PDLIM5: variants seen among roughly 807,000 people sequenced by gnomAD.
PDLIM5 encodes the protein PDZ and LIM domain 5.
In PDLIM5, 34 loss-of-function variants were observed where a neutral mutation model predicts 64.2. That is an observed-to-expected ratio of 0.53 (90% CI 0.40 to 0.71). The LOEUF (loss-of-function observed/expected upper bound fraction) is 0.71. Among genes scored for constraint, PDLIM5 ranks in the 30% least tolerant of loss-of-function variants. PDLIM5 has a pLI of 0.00. For synonymous variants in PDLIM5, 253 were observed against 269.1 expected, an observed-to-expected ratio of 0.94 and a Z score of 0.59; for missense variants, 683 against 733.6, an observed-to-expected ratio of 0.93 and a Z score of 0.80.
intron 3 of PDLIM5, among the ~76,000 whole-genome samples, chr4:94,570,536 C>G (rs1407778342): frequency 6.6e-6 from 1 of 152,110 alleles, no homozygotes; most frequent in Non-Finnish European, 1.5e-5. Context: ...TTTACATAAT[C>G]TCAAACCATT....
chr4:94,619,360 T>TC (rs1026258373), intron 8 of PDLIM5, among the ~76,000 whole-genome samples: 1 of 150,726 alleles, frequency 6.6e-6, no homozygotes, highest in Non-Finnish European at 1.5e-5. Flanking sequence ...TTCTTTTTTT[T>TC]TTTTCCACGG....
chr4:94,658,557 T>A (rs1463793103), intron 11 of PDLIM5, among the ~76,000 whole-genome samples: 1 of 152,256 alleles, frequency 6.6e-6, no homozygotes, highest in African/African-American at 2.4e-5. Flanking sequence ...TTATTGTTAT[T>A]CTACCTTGAA....
chr4:94,455,133 A>C, intron 1 of PDLIM5, 114 bp from the exon 2 acceptor site: 1 of 538,198 alleles, frequency 1.9e-6, no homozygotes, highest in Non-Finnish European at 3.3e-6. Flanking sequence ...GAAGAACTTA[A>C]TTAAGACTTA....
intron 3 of PDLIM5, among the ~76,000 whole-genome samples, chr4:94,533,034 C>A (rs145883160): frequency 6.6e-6 from 1 of 152,096 alleles, no homozygotes; most frequent in East Asian, 1.9e-4. Flanking sequence ...GGGACTGTTT[C>A]GTCAACATCA....
intron 3 of PDLIM5, among the ~76,000 whole-genome samples, chr4:94,565,944 T>C (rs150551671): frequency 5.9e-5 from 9 of 152,336 alleles, no homozygotes; most frequent in African/African-American, 1.4e-4. Context: ...TTATATACAA[T>C]GAGTAACTTC....
chr4:94,637,563 A>G (rs184144814), intron 8 of PDLIM5, among the ~76,000 whole-genome samples: 1 of 152,320 alleles, frequency 6.6e-6, no homozygotes, highest in East Asian at 1.9e-4. Flanking sequence ...CGTCTCAAAA[A>G]AAAAGGAATG....
chr4:94,593,082 A>G (rs150333566), intron 7 of PDLIM5, among the ~76,000 whole-genome samples: 3 of 152,292 alleles, frequency 2.0e-5, no homozygotes, highest in East Asian at 3.9e-4. Context: ...ATATTGGTCT[A>G]CATGTCTTAA....
intron 8 of PDLIM5, among the ~76,000 whole-genome samples, chr4:94,624,667 C>T (rs989578319): frequency 2.0e-5 from 3 of 152,114 alleles, no homozygotes; most frequent in Middle Eastern, 3.2e-3. Context: ...ATGTAGTCAA[C>T]GACCCTTGAA....
intron 3 of PDLIM5, among the ~76,000 whole-genome samples, chr4:94,543,669 G>A (rs758681841): frequency 1.3e-5 from 2 of 151,938 alleles, no homozygotes; most frequent in African/African-American, 4.8e-5. Flanking sequence ...GAGATCATGC[G>A]GTATTTGTCT....
At chr4:94,607,393 T>A (rs1046186952) in intron 7 of PDLIM5, among the ~76,000 whole-genome samples, 1 of 152,170 alleles carries the variant, frequency 6.6e-6, no homozygotes, top group Non-Finnish European at 1.5e-5. Context: ...CTGGCAATAG[T>A]TCTTCTAGAA....
chr4:94,480,536 G>C (rs1401969747), intron 2 of PDLIM5, among the ~76,000 whole-genome samples: 1 of 152,182 alleles, frequency 6.6e-6, no homozygotes, highest in Admixed American at 6.5e-5. Flanking sequence ...GCCCAACTGT[G>C]GGTCTGTCTG....
intron 9 of PDLIM5, among the ~76,000 whole-genome samples, chr4:94,651,149 T>C (rs1391429014): frequency 6.6e-6 from 1 of 152,228 alleles, no homozygotes; most frequent in Non-Finnish European, 1.5e-5. Flanking sequence ...GAAAACACTT[T>C]GCTATATGTG....
At chr4:94,569,705 ATATAGT>A (rs781679156) in intron 3 of PDLIM5, among the ~76,000 whole-genome samples, 6 of 152,202 alleles carry the variant, frequency 3.9e-5, no homozygotes, top group Non-Finnish European at 8.8e-5. Context: ...TAAATGAAAA[ATATAGT>A]TATATGGATA....
At chr4:94,565,132 A>G (rs1296388409) in intron 3 of PDLIM5, among the ~76,000 whole-genome samples, 1 of 152,226 alleles carries the variant, frequency 6.6e-6, no homozygotes, top group Admixed American at 6.5e-5. Context: ...AATAATTACC[A>G]GTTGGGAATG....
chr4:94,590,622 G>C (rs188026709), intron 7 of PDLIM5, among the ~76,000 whole-genome samples: 1 of 152,150 alleles, frequency 6.6e-6, no homozygotes, highest in Non-Finnish European at 1.5e-5. Context: ...CTGAGGAGAC[G>C]ACCTTAATGC....
intron 2 of PDLIM5, among the ~76,000 whole-genome samples, chr4:94,505,665 A>G (rs556119557): frequency 3.9e-5 from 6 of 152,326 alleles, no homozygotes; most frequent in African/African-American, 1.4e-4. Flanking sequence ...AAACTCAGGG[A>G]AACACTTTAC....
At chr4:94,485,819 C>T (rs1726268559) in intron 2 of PDLIM5, among the ~76,000 whole-genome samples, 1 of 138,498 alleles carries the variant, frequency 7.2e-6, no homozygotes, top group South Asian at 2.2e-4. Flanking sequence ...CACTGCACTC[C>T]AGCCTAGGTG....
intron 2 of PDLIM5, among the ~76,000 whole-genome samples, chr4:94,479,220 A>T (rs1054032594): frequency 6.6e-6 from 1 of 150,868 alleles, no homozygotes; most frequent in Non-Finnish European, 1.5e-5. Flanking sequence ...TTTGTAAAAC[A>T]CACCAAAACC....
At chr4:94,543,619 C>T (rs1030738268) in intron 3 of PDLIM5, among the ~76,000 whole-genome samples, 2 of 152,124 alleles carry the variant, frequency 1.3e-5, no homozygotes, top group Non-Finnish European at 2.9e-5. Context: ...CCATTCTATT[C>T]TGTGCCTCTA....
Sources: allele counts gnomAD v4.1 joint callset (sites outside exome capture counted in the v4.1 genomes callset), GRCh38; gene constraint gnomAD v4.1.1; transcripts MANE v1.5; gene names NCBI Gene and HGNC (gene_info 2026-07-23, HGNC 2026-07-21).